The following EXD3 variants were observed in gnomAD, a reference collection of about 807,000 sequenced individuals.
EXD3 encodes exonuclease mut-7 homolog.
In EXD3, 92 loss-of-function variants were observed where a neutral mutation model predicts 98.0. The ratio of observed to expected loss-of-function variants is 0.94; its 90% CI spans 0.79 to 1.12. EXD3 has a LOEUF of 1.12. Ranked by LOEUF, EXD3 falls within the 50% of genes most tolerant of loss-of-function variation. The pLI is 0.00. For missense variants in EXD3, 1,222 were observed against 1,191.6 expected, an observed-to-expected ratio of 1.03 and a Z score of -0.38; for synonymous variants, 569 against 526.0, an observed-to-expected ratio of 1.08 and a Z score of -1.12.
chr9:137,373,281 T>C, intron 4 of EXD3, 145 bp downstream of exon 4: 5 of 1,160,442 alleles, frequency 4.3e-6, no homozygotes, highest in Non-Finnish European at 4.8e-6. Flanking sequence ...ACGGGCTGAG[T>C]CTTGGCCATA....
At chr9:137,308,634 CTTTTTTTTTTT>C (rs572242584) in intron 20 of EXD3, among the ~76,000 whole-genome samples, 3 of 135,970 alleles carry the variant, frequency 2.2e-5, no homozygotes, top group African/African-American at 8.4e-5. Context: ...TGGACTGACC[CTTTTTTTTTTT>C]TTTTTTTTGG....
At chr9:137,392,316 G>A (rs1216234329) in intron 2 of EXD3, 2 of 154,540 alleles carry the variant, frequency 1.3e-5, no homozygotes, top group Non-Finnish European at 2.9e-5. Context: ...CACGCCAGAG[G>A]TGGCCATGTG....
intron 17 of EXD3, among the ~76,000 whole-genome samples, chr9:137,327,088 C>T (rs963989032): frequency 3.3e-5 from 5 of 151,592 alleles, no homozygotes; most frequent in African/African-American, 1.2e-4. Context: ...GAACAGTGGC[C>T]ACCAGGGCTA....
Position 137,355,613 on chromosome 9 carries a change from A to C in EXD3, c.757+655T>G, listed in dbSNP as rs1228701083. ...GAAAGGGCGGAAGGAGAAAGGAGGA[A>C]GGAGGAAGGGAGGATGGAGGAAGGA... On this transcript the variant is annotated intron_variant, in intron 8 of 21. Coordinates refer to ENST00000340951, the MANE Select transcript of EXD3 (RefSeq NM_017820.5). Among the ~76,000 whole-genome samples the C allele has an allele frequency of 4.2e-4, 21 of 49,946 alleles. 3 individuals are homozygous for C. The highest frequency in any genetic ancestry group is 2.0e-3 in the Admixed American group (7 of 3,564). 32.8% of individuals were successfully genotyped at this position (49,946 alleles called of 152,430 possible).
chr9:137,333,195 G>A (rs567876563), intron 17 of EXD3, among the ~76,000 whole-genome samples: 12 of 152,202 alleles, frequency 7.9e-5, no homozygotes, highest in South Asian at 2.1e-4. Context: ...ACTCTTACAC[G>A]TACACCAGCG....
At chr9:137,327,897 T>C (rs78610442) in intron 17 of EXD3, among the ~76,000 whole-genome samples, 7 of 65,716 alleles carry the variant, frequency 1.1e-4, no homozygotes, top group Non-Finnish European at 1.2e-4. Context: ...AACACCCACA[T>C]GATGAGTAAA....
In EXD3 at chr9:137,352,063, C is replaced by T. The variant is rs1834335680; in HGVS notation, c.1173+3G>A. The T allele has an allele frequency of 6.2e-7, 1 of 1,610,140 alleles. No individual in the cohort carries two copies. The highest frequency in any genetic ancestry group is 1.3e-5 in the African/African-American group (1 of 75,034). On this transcript the variant is annotated splice_donor_region_variant and intron_variant, in intron 12 of 21. Transcript: ENST00000340951. ...GCGCTGCCCCAGCGGCCGAGGGAACCACCTGCAGGAGTGCACCCTCGTGTC... is the reference window on the plus strand; with the variant it reads ...GCGCTGCCCCAGCGGCCGAGGGAACTACCTGCAGGAGTGCACCCTCGTGTC...
chr9:137,339,801 T>C (rs1243385008), intron 17 of EXD3, among the ~76,000 whole-genome samples: 1 of 152,202 alleles, frequency 6.6e-6, no homozygotes, highest in African/African-American at 2.4e-5. Flanking sequence ...CCTTACTTCA[T>C]GTTAAAACAT....
chr9:137,318,989 C>T (rs1831873418), intron 19 of EXD3, among the ~76,000 whole-genome samples: 2 of 152,232 alleles, frequency 1.3e-5, no homozygotes, highest in South Asian at 2.1e-4. Flanking sequence ...GCTTTCCCTC[C>T]GGGAACGGCA....
Position 137,333,971 on chromosome 9 carries a change from T to G in EXD3, c.1999-9828A>C, listed in dbSNP as rs181211498. 3.2e-3 allele frequency among the ~76,000 whole-genome samples: 489 copies of G among 151,948 alleles called. 2 individuals carry two copies. Among genetic ancestry groups the G allele is most frequent in the African/African-American group, 0.011 (459 of 41,444 alleles). On this transcript the variant is annotated intron_variant, in intron 17 of 21. Transcript: ENST00000340951. ...GATTCTCCTGCCTCAGCCTCCCGAGTAGCTGAGACTACAGGCGCCCACCAC... is the reference window on the plus strand; with the variant it reads ...GATTCTCCTGCCTCAGCCTCCCGAGGAGCTGAGACTACAGGCGCCCACCAC...
intron 17 of EXD3, among the ~76,000 whole-genome samples, chr9:137,339,628 T>A (rs1156664898): frequency 1.3e-5 from 2 of 152,104 alleles, no homozygotes; most frequent in Non-Finnish European, 2.9e-5. Flanking sequence ...ATAATGTCAT[T>A]CATCACATTT....
At chr9:137,315,019 A>G (rs571621939) in intron 19 of EXD3, among the ~76,000 whole-genome samples, 2 of 152,256 alleles carry the variant, frequency 1.3e-5, no homozygotes, top group African/African-American at 4.8e-5. Context: ...ACACAAGGAC[A>G]TGTGGCCGCC....
intron 1 of EXD3, among the ~76,000 whole-genome samples, chr9:137,417,570 G>A (rs1051119567): frequency 1.3e-5 from 2 of 152,196 alleles, no homozygotes; most frequent in Non-Finnish European, 2.9e-5. Context: ...AGACCACGGG[G>A]ACCAGCAACG....
chr9:137,352,596 TG>T lies in EXD3; in HGVS notation c.1037+23del, dbSNP rs573945519. On this transcript the variant is annotated intron_variant, in intron 11 of 21. Coordinates refer to ENST00000340951, the MANE Select transcript of EXD3 (RefSeq NM_017820.5). ...ACCCTGGGCGGAACCCACCCCTGGC[TG>T]GGGTCACCCTGGCGGCGCTCACCTC... is the stretch of plus-strand genomic sequence containing the variant. 5,437 of 1,518,238 alleles carry T rather than the reference TG, an allele frequency of 3.6e-3. 19 individuals carry two copies. The highest frequency in any genetic ancestry group is 4.0e-3 in the Non-Finnish European group (4,555 of 1,131,366). 94.0% of individuals were successfully genotyped at this position (1,518,238 alleles called of 1,614,324 possible).
intron 2 of EXD3, among the ~76,000 whole-genome samples, chr9:137,390,787 G>T (rs1836864551): frequency 6.6e-6 from 1 of 152,234 alleles, no homozygotes; most frequent in Non-Finnish European, 1.5e-5. Flanking sequence ...CCCACTGCCA[G>T]CTGGGCCTGG....
At chr9:137,367,042 G>A (rs190669797) in intron 6 of EXD3, among the ~76,000 whole-genome samples, 39 of 152,372 alleles carry the variant, frequency 2.6e-4, no homozygotes, top group African/African-American at 8.4e-4. Context: ...AAGAGGCCCT[G>A]AGGGAGTCCC....
intron 1 of EXD3, among the ~76,000 whole-genome samples, chr9:137,416,464 C>A (rs1212337019): frequency 6.6e-6 from 1 of 152,270 alleles, no homozygotes; most frequent in African/African-American, 2.4e-5. Context: ...CACCGCCTCA[C>A]CTCCCAGGTC....
At chr9:137,341,596 C>T (rs1372953105) in intron 17 of EXD3, among the ~76,000 whole-genome samples, 3 of 99,534 alleles carry the variant, frequency 3.0e-5, no homozygotes, top group East Asian at 6.5e-4. Context: ...GGCTCAGGCA[C>T]CAGGAGCCGT....
At chr9:137,417,613 G>A (rs1034674091) in intron 1 of EXD3, among the ~76,000 whole-genome samples, 5 of 152,176 alleles carry the variant, frequency 3.3e-5, no homozygotes, top group African/African-American at 1.2e-4. Flanking sequence ...GCCGCGCTGC[G>A]CGTGGCGGCC....
Sources: gnomAD v4.1 joint callset for allele counts (sites outside exome capture counted in the v4.1 genomes callset) on GRCh38, gnomAD v4.1.1 for gene constraint, MANE v1.5 for transcripts, NCBI Gene and HGNC (gene_info 2026-07-23, HGNC 2026-07-21) for gene names.